Variants in FARSB observed in about 807,000 individuals in gnomAD.
FARSB encodes the protein phenylalanine--tRNA ligase beta subunit.
FARSB carries 40 observed loss-of-function variants against 69.6 expected under a neutral mutation model. The ratio of observed to expected loss-of-function variants is 0.57; its 90% CI spans 0.45 to 0.75. The LOEUF (loss-of-function observed/expected upper bound fraction) is 0.75. Among genes scored for constraint, FARSB ranks in the 30% least tolerant of loss-of-function variants. FARSB has a pLI of 0.00. For synonymous variants in FARSB, 235 were observed against 247.2 expected, an observed-to-expected ratio of 0.95 and a Z score of 0.46; for missense variants, 632 against 722.9, an observed-to-expected ratio of 0.87 and a Z score of 1.44.
chr2:222,646,290 T>C (rs1691854656), intron 2 of FARSB, among the ~76,000 whole-genome samples: 1 of 152,152 alleles, frequency 6.6e-6, no homozygotes, highest in Non-Finnish European at 1.5e-5. Flanking sequence ...CTGCCACAAT[T>C]TTATCCCTTA....
At chr2:222,594,526 G>A (rs899816291) in intron 16 of FARSB, among the ~76,000 whole-genome samples, 2 of 151,988 alleles carry the variant, frequency 1.3e-5, no homozygotes, top group Non-Finnish European at 2.9e-5. Flanking sequence ...ATACAGCACA[G>A]CTATACGTAC....
At chr2:222,655,951 C>G in intron 1 of FARSB, 65 bp downstream of exon 1, 2 of 1,340,402 alleles carry the variant, frequency 1.5e-6, no homozygotes, top group Admixed American at 2.0e-5. Flanking sequence ...CCACATTGCC[C>G]TTTTGGAGGG....
At chr2:222,631,276 C>T (rs547578320) in intron 8 of FARSB, among the ~76,000 whole-genome samples, 31 of 151,704 alleles carry the variant, frequency 2.0e-4, no homozygotes, top group African/African-American at 6.3e-4. Context: ...ATATGGATTT[C>T]GCTATAGTAC....
chr2:222,640,805 T>C (rs1346202014), intron 4 of FARSB, 57 bp downstream of exon 4: 2 of 854,386 alleles, frequency 2.3e-6, no homozygotes, highest in East Asian at 5.2e-5. Flanking sequence ...CCCCACTTTA[T>C]ACAGACATGT....
At position 222,624,719 on chromosome 2, in the gene FARSB, T is replaced by C. The variant is rs746889838; in HGVS notation, c.957A>G (p.Gly319=). Reference sequence around the variant, plus strand: ...GTGAAGTTTTCAGAGCATACCTGATTCCAACTTTTTTGTTAATTAGGTCAG... The same window carrying C: ...GTGAAGTTTTCAGAGCATACCTGATCCCAACTTTTTTGTTAATTAGGTCAG... ...VRADLINKKV[G]IRETPENLAK... Residue 319 remains glycine (G), a synonymous_variant, in exon 11 of 17, where the codon GGA becomes GGG. Transcript: ENST00000281828. 1 of 1,601,734 alleles carries C rather than the reference T, an allele frequency of 6.2e-7. No individual in the cohort carries two copies. Among genetic ancestry groups the C allele is most frequent in the Non-Finnish European group, 8.5e-7 (1 of 1,172,050 alleles).
At chr2:222,614,497 G>A (rs1220863881) in intron 14 of FARSB, among the ~76,000 whole-genome samples, 1 of 152,184 alleles carries the variant, frequency 6.6e-6, no homozygotes, top group Non-Finnish European at 1.5e-5. Context: ...TTCATATCCT[G>A]CCTCATTTCA....
At chr2:222,575,388 A>G (rs1689815959) in intron 16 of FARSB, among the ~76,000 whole-genome samples, 2 of 152,280 alleles carry the variant, frequency 1.3e-5, no homozygotes, top group Non-Finnish European at 2.9e-5. Flanking sequence ...TGCTGTGTCT[A>G]GAAACATAAA....
intron 14 of FARSB, among the ~76,000 whole-genome samples, chr2:222,619,013 G>C (rs977440891): frequency 2.6e-5 from 4 of 151,674 alleles, no homozygotes; most frequent in African/African-American, 9.7e-5. Flanking sequence ...GTAGTGGCGG[G>C]CGCCTGTAGT....
intron 1 of FARSB, among the ~76,000 whole-genome samples, 161 bp downstream of exon 1, chr2:222,655,855 G>A (rs1460914539): frequency 2.6e-5 from 4 of 152,258 alleles, no homozygotes; most frequent in Non-Finnish European, 1.5e-5. Flanking sequence ...GGCTACCACA[G>A]CCCAGCCGGA....
chr2:222,614,632 GC>G (rs1212203925), intron 14 of FARSB, among the ~76,000 whole-genome samples: 1 of 152,148 alleles, frequency 6.6e-6, no homozygotes, highest in African/African-American at 2.4e-5. Context: ...AACACTTGAG[GC>G]TAGTAGTTCA....
At chr2:222,624,959 C>T (rs1314386928) in intron 10 of FARSB, among the ~76,000 whole-genome samples, 184 bp from the exon 11 acceptor site, 2 of 152,146 alleles carry the variant, frequency 1.3e-5, no homozygotes, top group African/African-American at 4.8e-5. Context: ...ATATTAGATT[C>T]ATATATGAAC....
chr2:222,634,620 C>A, intron 5 of FARSB, 79 bp from the exon 6 acceptor site: 10 of 1,114,128 alleles, frequency 9.0e-6, no homozygotes, highest in South Asian at 5.7e-5. Flanking sequence ...ATTCTAAAGC[C>A]GAAATTCTAA....
intron 15 of FARSB, among the ~76,000 whole-genome samples, chr2:222,609,676 C>T (rs1690793625): frequency 6.6e-6 from 1 of 152,212 alleles, no homozygotes; most frequent in South Asian, 2.1e-4. Flanking sequence ...GAGTGGAAGT[C>T]TTAATGCTCA....
intron 16 of FARSB, among the ~76,000 whole-genome samples, chr2:222,582,599 T>C (rs898679122): frequency 1.3e-5 from 2 of 152,094 alleles, no homozygotes; most frequent in Non-Finnish European, 2.9e-5. Flanking sequence ...GAAACTATGA[T>C]AGATAAATAG....
At chr2:222,608,884 T>G (rs890335181) in intron 15 of FARSB, among the ~76,000 whole-genome samples, 39 of 152,208 alleles carry the variant, frequency 2.6e-4, no homozygotes, top group African/African-American at 9.2e-4. Context: ...ACCTATCCTA[T>G]TCCATCTATG....
intron 12 of FARSB, 129 bp from the exon 13 acceptor site, chr2:222,623,859 CCTTA>C (rs1454175870): frequency 3.0e-6 from 2 of 656,748 alleles, no homozygotes; most frequent in Non-Finnish European, 5.4e-6. Context: ...ACCTTTTCAC[CCTTA>C]CTAACGTACT....
chr2:222,636,422 T>C (rs1691584263), intron 5 of FARSB, among the ~76,000 whole-genome samples: 1 of 149,040 alleles, frequency 6.7e-6, no homozygotes, highest in Non-Finnish European at 1.5e-5. Context: ...CTTAAAACTG[T>C]AGAGTCAACT....
intron 3 of FARSB, among the ~76,000 whole-genome samples, chr2:222,642,335 C>A (rs1691743954): frequency 6.6e-6 from 1 of 152,116 alleles, no homozygotes; most frequent in South Asian, 2.1e-4. Context: ...CTGGAAGGGG[C>A]CTTATAAATC....
At chr2:222,633,341 T>C (rs1234463958) in intron 6 of FARSB, 34 bp from the exon 7 acceptor site, 1 of 1,058,382 alleles carries the variant, frequency 9.4e-7, no homozygotes, top group East Asian at 2.4e-5. Flanking sequence ...AAATTAGTTT[T>C]TTTTTTTAAT....
Sources: allele counts gnomAD v4.1 joint callset (sites outside exome capture counted in the v4.1 genomes callset), GRCh38; gene constraint gnomAD v4.1.1; transcripts MANE v1.5; gene names NCBI Gene and HGNC (gene_info 2026-07-23, HGNC 2026-07-21).